TSC22D1: variants seen among roughly 807,000 people sequenced by gnomAD.
TSC22D1 encodes the protein TSC22 domain family protein 1.
A neutral mutation model predicts 74.2 loss-of-function variants in TSC22D1; 9 were observed. The ratio of observed to expected loss-of-function variants is 0.12; its 90% CI spans 0.07 to 0.21. The LOEUF is 0.21. Among genes scored for constraint, TSC22D1 ranks in the 10% least tolerant of loss-of-function variants. TSC22D1 has a pLI of 1.00. For missense variants in TSC22D1, 1,427 were observed against 1,304.7 expected (o/e 1.09, Z -1.44); for synonymous variants, 586 against 492.5 (o/e 1.19, Z -2.51).
intron 1 of TSC22D1, among the ~76,000 whole-genome samples, chr13:44,488,932 G>T (rs912339027): frequency 6.6e-6 from 1 of 152,132 alleles, no homozygotes; most frequent in African/African-American, 2.4e-5. Flanking sequence ...AGAGTTTTAT[G>T]AGGAACCATA....
intron 1 of TSC22D1, 85 bp downstream of exon 1, chr13:44,573,076 TTA>T: frequency 6.7e-7 from 1 of 1,489,686 alleles, no homozygotes; most frequent in Non-Finnish European, 8.9e-7. Flanking sequence ...ATACAATGTT[TTA>T]GAGTCATTTT....
At position 44,574,218 on chromosome 13, in the gene TSC22D1, T is replaced by C. The variant is rs200128693; in HGVS notation, c.1857A>G (p.Pro619=). The C allele has an allele frequency of 7.4e-6, 12 of 1,614,208 alleles. No individual in the cohort carries two copies. In the East Asian group the frequency reaches 2.5e-4, roughly 33 times the overall value. ...QAAPPVQTPL[P]GAPPPQQLQY... ...GTAACTGTTGGGGTGGTGGTGCCCC[T>C]GGAAGGGGAGTTTGCACTGGAGGAG... Residue 619 remains proline, a synonymous_variant, in exon 1 of 3, where the codon CCA becomes CCG. Coordinates refer to ENST00000458659, the MANE Select transcript of TSC22D1 (RefSeq NM_183422.4).
intron 1 of TSC22D1, among the ~76,000 whole-genome samples, chr13:44,511,355 T>C (rs1479421548): frequency 6.6e-6 from 1 of 152,094 alleles, no homozygotes; most frequent in Non-Finnish European, 1.5e-5. Flanking sequence ...TGCTTTTCTA[T>C]AGCTGAGCTC....
At chr13:44,498,089 A>G (rs925662370) in intron 1 of TSC22D1, among the ~76,000 whole-genome samples, 16 of 142,336 alleles carry the variant, frequency 1.1e-4, no homozygotes, top group Admixed American at 1.4e-4. Flanking sequence ...TGATAAAACC[A>G]AAAAAAAAAC....
intron 1 of TSC22D1, among the ~76,000 whole-genome samples, chr13:44,570,574 T>C (rs191326314): frequency 2.3e-3 from 352 of 152,260 alleles, no homozygotes; most frequent in African/African-American, 8.3e-3. Flanking sequence ...GTTTATAGTC[T>C]CTCCCAGTGA....
chr13:44,533,793 C>CAAAA (rs1354799758), intron 1 of TSC22D1, among the ~76,000 whole-genome samples: 1 of 152,016 alleles, frequency 6.6e-6, no homozygotes, highest in African/African-American at 2.4e-5. Flanking sequence ...CCAGAACAAA[C>CAAAA]AAACAAACAA....
At chr13:44,489,768 C>A (rs1394110452) in intron 1 of TSC22D1, among the ~76,000 whole-genome samples, 1 of 152,070 alleles carries the variant, frequency 6.6e-6, no homozygotes, top group East Asian at 1.9e-4. Context: ...AGTCTGTCTG[C>A]CTATTGATAG....
Position 44,434,880 on chromosome 13 carries a change from G to A in TSC22D1, c.2968C>T (p.Leu990=). 6.2e-7 allele frequency: 1 copy of A among 1,610,728 alleles called. No homozygotes were observed. The highest frequency in any genetic ancestry group is 8.5e-7 in the Non-Finnish European group (1 of 1,178,594). ...GCATACATCAAATGGCTTTTCACTA[G>A]ATCCTGGAAAGAAGACAGAAAAGGT... is the stretch of plus-strand genomic sequence containing the variant. ...IDNKIEQAMD[L]VKSHLMYAVR... The change falls in exon 3 of 3, where the codon CTA becomes TTA. Residue 990 remains leucine (L), a synonymous_variant. Coordinates refer to ENST00000458659, the MANE Select transcript of TSC22D1 (RefSeq NM_183422.4).
At chr13:44,452,209 AAAGT>A (rs1290745157) in intron 1 of TSC22D1, among the ~76,000 whole-genome samples, 3 of 152,216 alleles carry the variant, frequency 2.0e-5, no homozygotes, top group Non-Finnish European at 2.9e-5. Flanking sequence ...GGAACTAAAT[AAAGT>A]GAGATGTTGT....
At chr13:44,484,357 T>G (rs1388903960) in intron 1 of TSC22D1, among the ~76,000 whole-genome samples, 1 of 152,206 alleles carries the variant, frequency 6.6e-6, no homozygotes. Context: ...AAGAATATAC[T>G]AATTTCTTGT....
intron 1 of TSC22D1, chr13:44,436,831 C>T: frequency 2.2e-6 from 3 of 1,342,170 alleles, no homozygotes; most frequent in Non-Finnish European, 2.9e-6. Context: ...TTCCCAGATC[C>T]GCAGCCGGGC....
intron 1 of TSC22D1, among the ~76,000 whole-genome samples, chr13:44,515,951 C>T (rs998185982): frequency 2.9e-4 from 44 of 152,094 alleles, no homozygotes; most frequent in African/African-American, 1.0e-3. Context: ...TAGAACTTCA[C>T]AGAGGGAGAA....
At chr13:44,467,977 A>G (rs1877387120) in intron 1 of TSC22D1, among the ~76,000 whole-genome samples, 1 of 151,844 alleles carries the variant, frequency 6.6e-6, no homozygotes, top group African/African-American at 2.4e-5. Flanking sequence ...TTGCAAAAAT[A>G]TGGGATCAAC....
rs963570661 is a variant in TSC22D1 at position 44,575,811 on chromosome 13, A to G, written c.264T>C (p.Leu88=). The G allele has an allele frequency of 1.9e-6, 3 of 1,613,254 alleles. No individual in the cohort carries two copies. Among genetic ancestry groups the G allele is most frequent in the Non-Finnish European group, 2.5e-6 (3 of 1,179,810 alleles). The change falls in exon 1 of 3, where the codon CTT becomes CTC. Residue 88 remains leucine, a synonymous_variant. Coordinates refer to ENST00000458659, the MANE Select transcript of TSC22D1 (RefSeq NM_183422.4). ...GCTGTGCCTGCAGCTGAGCCTGCGA[A>G]AGGAGGTTCAGGCTTTGTGGAGGCG... The part of the protein sequence containing the change: ...QPPPPQSLNL[L]SQAQLQAQPL...
In TSC22D1 at chr13:44,549,059, A is replaced by G. The variant is rs187355973; in HGVS notation, c.2912+24104T>C. On this transcript the variant is annotated intron_variant, in intron 1 of 2. Transcript: ENST00000458659. ...CCAGAGAAACAGTCTTTAGTTTATT[A>G]CAGAATAGATAATAATCTGTATGAA... is the stretch of plus-strand genomic sequence containing the variant. 6.4e-4 allele frequency among the ~76,000 whole-genome samples: 98 copies of G among 152,302 alleles called. 1 individual carries two copies. Among genetic ancestry groups the G allele is most frequent in the Non-Finnish European group, 1.2e-3 (84 of 68,014 alleles).
intron 1 of TSC22D1, among the ~76,000 whole-genome samples, chr13:44,481,699 C>A (rs372841375): frequency 6.6e-6 from 1 of 152,162 alleles, no homozygotes; most frequent in Non-Finnish European, 1.5e-5. Flanking sequence ...GTCCATGATG[C>A]TGGCAGATAA....
intron 1 of TSC22D1, among the ~76,000 whole-genome samples, chr13:44,567,173 C>T (rs1883432087): frequency 6.6e-6 from 1 of 152,196 alleles, no homozygotes; most frequent in African/African-American, 2.4e-5. Context: ...TCCACATCCC[C>T]CTCACTGCCC....
chr13:44,565,056 T>A (rs1464845395), intron 1 of TSC22D1, among the ~76,000 whole-genome samples: 1 of 152,156 alleles, frequency 6.6e-6, no homozygotes, highest in African/African-American at 2.4e-5. Flanking sequence ...CTGTTGAGAC[T>A]GATAAGCCTA....
intron 1 of TSC22D1, among the ~76,000 whole-genome samples, chr13:44,561,994 G>T (rs1172473352): frequency 1.3e-5 from 2 of 152,060 alleles, no homozygotes; most frequent in Non-Finnish European, 2.9e-5. Context: ...ATACCTAAGA[G>T]ATTTTATAAT....
Sources: allele counts gnomAD v4.1 joint callset (sites outside exome capture counted in the v4.1 genomes callset), GRCh38; gene constraint gnomAD v4.1.1; transcripts MANE v1.5; gene names NCBI Gene and HGNC (gene_info 2026-07-23, HGNC 2026-07-21).